SP100: variants seen among roughly 807,000 people sequenced by gnomAD.
The protein encoded by SP100 is SP100 nuclear body protein, also known as nuclear autoantigen Sp-100.
In SP100, 84 loss-of-function variants were observed where a neutral mutation model predicts 130.0. The ratio of observed to expected loss-of-function variants is 0.65; its 90% CI spans 0.54 to 0.77. SP100 has a LOEUF of 0.77. Among genes scored for constraint, SP100 ranks in the 30% least tolerant of loss-of-function variants. SP100 has a pLI of 0.00. For missense variants in SP100, 978 were observed against 1,052.2 expected (o/e 0.93, Z 0.97); for synonymous variants, 331 against 351.7 (o/e 0.94, Z 0.66).
At chr2:230,461,916 T>C (rs1196489480) in intron 9 of SP100, among the ~76,000 whole-genome samples, 1 of 148,138 alleles carries the variant, frequency 6.8e-6, no homozygotes, top group Non-Finnish European at 1.5e-5. Flanking sequence ...GCCACTGCAC[T>C]CCAGCTTGGG....
intron 18 of SP100, among the ~76,000 whole-genome samples, chr2:230,497,591 G>A (rs1013925197): frequency 7.5e-6 from 1 of 133,082 alleles, no homozygotes; most frequent in African/African-American, 2.6e-5. Flanking sequence ...GGAAAGGAAA[G>A]GAAAGGAAAG....
intron 17 of SP100, among the ~76,000 whole-genome samples, chr2:230,487,469 A>T (rs141510216): frequency 2.5e-4 from 38 of 152,300 alleles, no homozygotes; most frequent in African/African-American, 8.2e-4. Context: ...TTTGTCAAAG[A>T]TCAGATGGTT....
intron 23 of SP100, chr2:230,509,731 T>A (rs1392793854): frequency 2.0e-5 from 3 of 152,218 alleles, no homozygotes; most frequent in Non-Finnish European, 4.4e-5. Flanking sequence ...TTCCTGCTTA[T>A]AAGTTTTTTG....
rs1692247937 is a variant in SP100, at chr2:230,543,726, A to G, written c.*780A>G. ...AACAGTCAATATCATTAAAATGACC[A>G]TACTGCCCAAAGCAGTTTACAGGTT... On this transcript the variant is annotated 3_prime_UTR_variant, in exon 29 of 29. Transcript: ENST00000340126. 6.6e-6 allele frequency: 1 copy of G among 152,220 alleles called. No individual in the cohort carries two copies. The highest frequency in any genetic ancestry group is 6.5e-5 in the Admixed American group (1 of 15,284). The allele number at this position is 152,220 out of a possible 1,614,324, so 9.4% of individuals were successfully genotyped here.
intron 24 of SP100, among the ~76,000 whole-genome samples, chr2:230,523,569 C>G (rs1467253997): frequency 6.6e-6 from 1 of 152,074 alleles, no homozygotes; most frequent in Non-Finnish European, 1.5e-5. Flanking sequence ...TTTTCAAGTT[C>G]ATATGACTTA....
chr2:230,461,229 C>G lies in SP100; in HGVS notation c.821-33C>G, dbSNP rs79230352. 2.2e-3 allele frequency: 3,524 copies of G among 1,606,058 alleles called. 67 individuals are homozygous for G. In the African/African-American group the frequency reaches 0.042, roughly 19 times the overall value. Reference sequence around the variant, plus strand: ...GATAGTGAAGGAGGTTCACTGGGGACACAAATGAAAATTCTTCATTTATTA... The same window carrying G: ...GATAGTGAAGGAGGTTCACTGGGGAGACAAATGAAAATTCTTCATTTATTA... On this transcript the variant is annotated intron_variant, in intron 8 of 28. Transcript: ENST00000340126.
chr2:230,459,770 A>T (rs2064484366), intron 8 of SP100, among the ~76,000 whole-genome samples: 1 of 152,222 alleles, frequency 6.6e-6, no homozygotes, highest in Non-Finnish European at 1.5e-5. Context: ...TTAGAGGAAC[A>T]GTCTCCTGTC....
chr2:230,479,691 C>T (rs1249235548), intron 17 of SP100, among the ~76,000 whole-genome samples: 1 of 152,204 alleles, frequency 6.6e-6, no homozygotes, highest in African/African-American at 2.4e-5. Flanking sequence ...AAGCGATCCC[C>T]CAACCAATAG....
In SP100 at chr2:230,543,150, G is replaced by A. The variant is rs1692239166; in HGVS notation, c.*204G>A. On this transcript the variant is annotated 3_prime_UTR_variant, in exon 29 of 29. Transcript: ENST00000340126. Reference sequence around the variant, plus strand: ...AAATTCTCAATAAGCTAGGTATTGAGGAACATATCCCAAAATAATAAGAGC... The same window carrying A: ...AAATTCTCAATAAGCTAGGTATTGAAGAACATATCCCAAAATAATAAGAGC... 1.0e-5 allele frequency: 3 copies of A among 297,424 alleles called. No individual in the cohort carries two copies. The highest frequency in any genetic ancestry group is 1.9e-5 in the Non-Finnish European group (3 of 157,380). The allele number at this position is 297,424 out of a possible 1,614,324, so 18.4% of individuals were successfully genotyped here.
rs576016792 is a variant in SP100 at position 230,444,355 on chromosome 2, A to T, written c.439+9A>T. ...TAAAGGCTTTGAAAATGGTAATTAG[A>T]TTTATTATCTACCTTTTTATTTCCA... is the stretch of plus-strand genomic sequence containing the variant. On this transcript the variant is annotated intron_variant, in intron 4 of 28. Coordinates refer to ENST00000340126, the MANE Select transcript of SP100 (RefSeq NM_001080391.2). 22 of 1,605,862 alleles carry T rather than the reference A, an allele frequency of 1.4e-5. No homozygotes were observed. The South Asian group carries it at 2.1e-4, about 15-fold the overall frequency.
chr2:230,440,430 T>G (rs1451107875), intron 2 of SP100: 2 of 650,908 alleles, frequency 3.1e-6, no homozygotes, highest in South Asian at 7.2e-5. Flanking sequence ...AGGAATAAAT[T>G]TATTATTTTT....
intron 4 of SP100, among the ~76,000 whole-genome samples, chr2:230,446,324 G>C (rs933557143): frequency 4.6e-5 from 7 of 152,104 alleles, no homozygotes; most frequent in African/African-American, 1.7e-4. Context: ...GCCCAGGCTG[G>C]TCTCAAAATC....
At chr2:230,523,953 G>A (rs1401624309) in intron 24 of SP100, among the ~76,000 whole-genome samples, 1 of 151,708 alleles carries the variant, frequency 6.6e-6, no homozygotes, top group Non-Finnish European at 1.5e-5. Context: ...AATGTCTTTA[G>A]AATTGTCAGC....
chr2:230,537,785 TGTG>T (rs1029235805), intron 24 of SP100: 1 of 152,246 alleles, frequency 6.6e-6, no homozygotes, highest in Non-Finnish European at 1.5e-5. Flanking sequence ...TCTGGTGTTT[TGTG>T]TTTTTCTAGC....
At chr2:230,540,659 C>A (rs1243027388) in intron 25 of SP100, among the ~76,000 whole-genome samples, 1 of 152,150 alleles carries the variant, frequency 6.6e-6, no homozygotes, top group Non-Finnish European at 1.5e-5. Context: ...TGGGGCACTT[C>A]AGCCAACAGA....
At chr2:230,498,390 T>C in intron 18 of SP100, 71 bp from the exon 19 acceptor site, 1 of 868,844 alleles carries the variant, frequency 1.2e-6, no homozygotes, top group Non-Finnish European at 1.7e-6. Flanking sequence ...TAAATAAAAT[T>C]TTTGAAAGCA....
intron 19 of SP100, among the ~76,000 whole-genome samples, chr2:230,500,642 G>A (rs911192458): frequency 1.9e-4 from 29 of 152,292 alleles, no homozygotes; most frequent in African/African-American, 5.3e-4. Context: ...TCTTTTGATG[G>A]AACTGTGGGG....
chr2:230,423,719 T>G (rs1434230451), intron 2 of SP100, among the ~76,000 whole-genome samples: 1 of 152,246 alleles, frequency 6.6e-6, no homozygotes, highest in Non-Finnish European at 1.5e-5. Flanking sequence ...TCATTGGATT[T>G]TATTTCTTAG....
intron 19 of SP100, 32 bp from the exon 20 acceptor site, chr2:230,503,034 G>C (rs2067124232): frequency 2.6e-6 from 4 of 1,536,886 alleles, no homozygotes; most frequent in East Asian, 2.3e-5. Flanking sequence ...GCAATGTAAA[G>C]AGACATTTAT....
Sources: gnomAD v4.1 joint callset for allele counts (sites outside exome capture counted in the v4.1 genomes callset) on GRCh38, gnomAD v4.1.1 for gene constraint, MANE v1.5 for transcripts, NCBI Gene and HGNC (gene_info 2026-07-23, HGNC 2026-07-21) for gene names.